Variants in INPP4A observed in about 807,000 individuals in gnomAD.
The protein encoded by INPP4A is inositol polyphosphate-4-phosphatase type I A.
INPP4A carries 33 observed loss-of-function variants against 119.8 expected under a neutral mutation model. That is an observed-to-expected ratio of 0.28 (90% CI 0.21 to 0.37). INPP4A has a LOEUF of 0.37. Ranked by LOEUF, INPP4A falls within the 10% of genes least tolerant of loss-of-function variation. INPP4A has a pLI of 1.00. For synonymous variants in INPP4A, 496 were observed against 500.7 expected (o/e 0.99, Z 0.12); for missense variants, 956 against 1,289.9 (o/e 0.74, Z 3.97).
intron 1 of INPP4A, among the ~76,000 whole-genome samples, chr2:98,458,429 G>A (rs183029832): frequency 3.3e-5 from 5 of 152,212 alleles, no homozygotes; most frequent in South Asian, 4.1e-4. Context: ...AACACAACAC[G>A]TTTCCTGGTA....
intron 1 of INPP4A, among the ~76,000 whole-genome samples, chr2:98,501,237 G>A (rs1047176340): frequency 1.3e-5 from 2 of 152,158 alleles, no homozygotes; most frequent in Admixed American, 6.5e-5. Context: ...GAATCGCTGA[G>A]GCAGGAGAAT....
intron 1 of INPP4A, among the ~76,000 whole-genome samples, chr2:98,484,900 T>G (rs1281827467): frequency 1.3e-5 from 2 of 152,182 alleles, no homozygotes; most frequent in Admixed American, 1.3e-4. Context: ...GGCTGCTATT[T>G]AATCTTTCAA....
intron 1 of INPP4A, among the ~76,000 whole-genome samples, chr2:98,497,234 G>A (rs1396304238): frequency 6.6e-6 from 1 of 152,242 alleles, no homozygotes; most frequent in African/African-American, 2.4e-5. Flanking sequence ...GGGAACCACT[G>A]CCTAGATTTC....
intron 11 of INPP4A, 69 bp downstream of exon 11, chr2:98,544,076 C>T (rs2106069796): frequency 5.0e-6 from 7 of 1,392,076 alleles, no homozygotes; most frequent in Non-Finnish European, 6.8e-6. Flanking sequence ...CTCACTCTCA[C>T]TCAGTCACTC....
chr2:98,509,719 A>T (rs1417745604), intron 1 of INPP4A, among the ~76,000 whole-genome samples: 2 of 152,140 alleles, frequency 1.3e-5, no homozygotes, highest in East Asian at 3.9e-4. Flanking sequence ...GACACATCTC[A>T]CTCATCTCCC....
chr2:98,516,616 C>T (rs1343443913), intron 1 of INPP4A, among the ~76,000 whole-genome samples: 3 of 152,282 alleles, frequency 2.0e-5, no homozygotes, highest in South Asian at 2.1e-4. Context: ...CACTAACAGG[C>T]TGAGCAGGGC....
chr2:98,563,881 G>T (rs1268539627), intron 18 of INPP4A, among the ~76,000 whole-genome samples: 1 of 151,358 alleles, frequency 6.6e-6, no homozygotes, highest in African/African-American at 2.4e-5. Context: ...TGCCGATTCT[G>T]CACCCAGGAG....
chr2:98,535,289 G>A (rs971999666), intron 5 of INPP4A, among the ~76,000 whole-genome samples: 25 of 152,176 alleles, frequency 1.6e-4, no homozygotes. Context: ...AACCACTTAA[G>A]CCATTCATTT....
chr2:98,445,734 T>C (rs1470735561), intron 1 of INPP4A, among the ~76,000 whole-genome samples: 1 of 152,148 alleles, frequency 6.6e-6, no homozygotes, highest in African/African-American at 2.4e-5. Flanking sequence ...AGGAAGGGAA[T>C]GTTGATGGTC....
chr2:98,499,290 G>A (rs1250419289), intron 1 of INPP4A, among the ~76,000 whole-genome samples: 29 of 152,302 alleles, frequency 1.9e-4, no homozygotes, highest in African/African-American at 2.4e-5. Context: ...GAAATGCCAG[G>A]TTTGCTTCAG....
chr2:98,490,550 G>A (rs1272506176), intron 1 of INPP4A, among the ~76,000 whole-genome samples: 2 of 152,144 alleles, frequency 1.3e-5, no homozygotes, highest in Admixed American at 1.3e-4. Flanking sequence ...TTCAGGTGAG[G>A]GAGTTTGACA....
intron 8 of INPP4A, among the ~76,000 whole-genome samples, chr2:98,538,429 C>G (rs900217920): frequency 4.6e-5 from 7 of 152,224 alleles, no homozygotes; most frequent in Non-Finnish European, 8.8e-5. Context: ...CCTCCTCCCC[C>G]TCTCTAGCTA....
chr2:98,495,236 C>T (rs1449107895), intron 1 of INPP4A, among the ~76,000 whole-genome samples: 5 of 152,152 alleles, frequency 3.3e-5, no homozygotes, highest in African/African-American at 4.8e-5. Context: ...CAGAATCTTC[C>T]TGGGAGAGGA....
At position 98,520,061 on chromosome 2, in the gene INPP4A, G is replaced by A; in HGVS notation, c.13G>A (p.Glu5Lys). ...CACCAATGACATCATGACAGCAAGA[G>A]AGCACAGCCCTCGCCATGGTGCCAG... Reference protein sequence around the residue: MTAREHSPRHGARAR... With the variant: MTARKHSPRHGARAR... Residue 5 changes from glutamate (E) to lysine (K), a missense_variant, in exon 3 of 25, where the codon GAG (glutamate) becomes AAG (lysine). By Grantham distance (56) the Glu-to-Lys change is moderately conservative. This residue lies in a region of INPP4A where 652 missense variants were observed against 797.9 expected (regional missense o/e 0.82). Transcript: ENST00000409851. 1 of 1,583,174 alleles carries A rather than the reference G, an allele frequency of 6.3e-7. No individual in the cohort carries two copies. Among genetic ancestry groups the A allele is most frequent in the Non-Finnish European group, 8.6e-7 (1 of 1,163,234 alleles).
chr2:98,555,786 A>C lies in INPP4A; in HGVS notation c.1800A>C (p.Ala600=), dbSNP rs1559068764. ...GCCCCTCCACCATGCCCTCCACTGC[A>C]TGCCATCCTCATCTGACCACACGTG... ...SPCPSTMPST[A]CHPHLTTHCS... Residue 600 remains alanine, a synonymous_variant, in exon 16 of 25, where the codon GCA becomes GCC. Coordinates refer to ENST00000409851, the MANE Select transcript of INPP4A (RefSeq NM_001134225.2). The C allele has an allele frequency of 3.8e-6, 6 of 1,566,440 alleles. No homozygotes were observed. The highest frequency in any genetic ancestry group is 5.2e-6 in the Non-Finnish European group (6 of 1,155,072).
intron 1 of INPP4A, among the ~76,000 whole-genome samples, chr2:98,506,793 T>C (rs955151509): frequency 1.3e-5 from 2 of 152,126 alleles, no homozygotes; most frequent in African/African-American, 4.8e-5. Context: ...CTGGGCACAT[T>C]TGGACTTTGC....
chr2:98,559,629 G>A, intron 17 of INPP4A, 134 bp downstream of exon 17: 2 of 962,508 alleles, frequency 2.1e-6, no homozygotes, highest in Non-Finnish European at 1.6e-6. Flanking sequence ...CCTTCGTTGT[G>A]AGGCATAAAA....
chr2:98,531,257 C>G (rs1015692205), intron 4 of INPP4A, among the ~76,000 whole-genome samples: 1 of 152,008 alleles, frequency 6.6e-6, no homozygotes, highest in Non-Finnish European at 1.5e-5. Flanking sequence ...AGAATAAGGA[C>G]ATTATTGAAC....
chr2:98,545,943 T>G (rs1692405097), intron 11 of INPP4A, 26 bp from the exon 12 acceptor site: 2 of 1,511,818 alleles, frequency 1.3e-6, no homozygotes, highest in Non-Finnish European at 1.8e-6. Context: ...CTGATGGCCT[T>G]TATCTTCTCC....
Sources: gnomAD v4.1 joint callset for allele counts (sites outside exome capture counted in the v4.1 genomes callset) on GRCh38, gnomAD v4.1.1 for gene constraint, gnomAD v4.1.1 regional missense constraint, MANE v1.5 for transcripts, NCBI Gene and HGNC (gene_info 2026-07-23, HGNC 2026-07-21) for gene names.